ROBO1: variants seen among roughly 807,000 people sequenced by gnomAD.
The protein encoded by ROBO1 is roundabout guidance receptor 1.
A neutral mutation model predicts 195.9 loss-of-function variants in ROBO1; 149 were observed. That is an observed-to-expected ratio of 0.76 (90% confidence interval 0.67 to 0.87). The LOEUF (loss-of-function observed/expected upper bound fraction) is 0.87. ROBO1 is among the 40% of genes least tolerant of loss of function. The pLI is 0.00. For synonymous variants in ROBO1, 816 were observed against 733.2 expected (o/e 1.11, Z -1.82); for missense variants, 1,933 against 2,068.3 (o/e 0.93, Z 1.27).
intron 3 of ROBO1, among the ~76,000 whole-genome samples, chr3:79,071,082 A>G (rs2079079990): frequency 6.6e-6 from 1 of 151,750 alleles, no homozygotes. Flanking sequence ...AGAATATTTA[A>G]CATCTACTCT....
chr3:78,730,437 G>A (rs1337373869), intron 5 of ROBO1, among the ~76,000 whole-genome samples: 2 of 121,644 alleles, frequency 1.6e-5, no homozygotes, highest in Non-Finnish European at 4.0e-5. Context: ...TTACTTTACA[G>A]AAATGCATTT....
intron 5 of ROBO1, among the ~76,000 whole-genome samples, chr3:78,729,010 T>A (rs747778999): frequency 1.3e-4 from 20 of 152,202 alleles, no homozygotes; most frequent in Non-Finnish European, 2.5e-4. Flanking sequence ...AAAGCAATTA[T>A]CCCAGTGGGA....
At chr3:78,628,110 T>G (rs942325211) in intron 25 of ROBO1, among the ~76,000 whole-genome samples, 4 of 152,094 alleles carry the variant, frequency 2.6e-5, no homozygotes, top group Admixed American at 2.6e-4. Context: ...CTCATCACCA[T>G]GCCCAGTTAA....
chr3:78,723,603 G>A (rs2082093832), intron 5 of ROBO1, among the ~76,000 whole-genome samples: 1 of 152,020 alleles, frequency 6.6e-6, no homozygotes, highest in Admixed American at 6.6e-5. Flanking sequence ...CCTCTCCCCG[G>A]AGATATCTGG....
In ROBO1 at chr3:79,014,975, T is replaced by C. The variant is rs187852398; in HGVS notation, c.173-76048A>G. Among the ~76,000 whole-genome samples, 360 of 152,240 alleles carry C rather than the reference T, an allele frequency of 2.4e-3. 3 individuals carry two copies. The highest frequency in any genetic ancestry group is 8.0e-3 in the African/African-American group (333 of 41,562). ...TTTTAAATTAGAAATATCTAGTCAA[T>C]GTAAAAACGAAAAATAAATGGTCAT... On this transcript the variant is annotated intron_variant, in intron 3 of 30. Coordinates refer to ENST00000464233, the MANE Select transcript of ROBO1 (RefSeq NM_002941.4).
chr3:79,350,531 C>T (rs572212186), intron 2 of ROBO1, among the ~76,000 whole-genome samples: 1 of 152,238 alleles, frequency 6.6e-6, no homozygotes, highest in South Asian at 2.1e-4. Context: ...AAGGTAGAAA[C>T]TACAATCCAA....
chr3:78,600,265 T>G lies in ROBO1; in HGVS notation c.4789A>C (p.Asn1597His). Residue 1597 changes from asparagine (N) to histidine (H), a missense_variant, in exon 30 of 31, where the codon AAT (asparagine) becomes CAT (histidine). Coordinates refer to ENST00000464233, the MANE Select transcript of ROBO1 (RefSeq NM_002941.4). ...YCRPTFPTSN[N>H]PRDPSSSSSM... ...CTTGAGGAACTGGGATCTCTGGGAT[T>G]ATTTGATGTTGGAAAAGTAGGTCTA... is the stretch of plus-strand genomic sequence containing the variant. 1 of 1,613,272 alleles carries G rather than the reference T, an allele frequency of 6.2e-7. No individual in the cohort carries two copies. Among genetic ancestry groups the G allele is most frequent in the Non-Finnish European group, 8.5e-7 (1 of 1,179,310 alleles).
chr3:79,062,246 A>T (rs1199305887), intron 3 of ROBO1, among the ~76,000 whole-genome samples: 1 of 152,180 alleles, frequency 6.6e-6, no homozygotes, highest in Non-Finnish European at 1.5e-5. Flanking sequence ...CATATGAAAA[A>T]ATGCTCATCA....
intron 5 of ROBO1, among the ~76,000 whole-genome samples, chr3:78,725,052 T>G (rs2082130815): frequency 6.6e-6 from 1 of 152,150 alleles, no homozygotes. Context: ...AAGCAGAACA[T>G]GTTAAACTTT....
chr3:78,720,959 G>C (rs548972029), intron 5 of ROBO1, among the ~76,000 whole-genome samples: 44 of 151,184 alleles, frequency 2.9e-4, no homozygotes, highest in Non-Finnish European at 4.9e-4. Context: ...TTGGGGGGGG[G>C]GCGGTGGAGG....
intron 2 of ROBO1, among the ~76,000 whole-genome samples, chr3:79,381,113 C>T (rs564813723): frequency 1.3e-5 from 2 of 152,074 alleles, no homozygotes; most frequent in African/African-American, 4.8e-5. Context: ...AATCCCAGCA[C>T]GTTGGGAGGC....
rs186384344 is a variant in ROBO1 at position 79,096,076 on chromosome 3, T to C, written c.172+29380A>G. Among the ~76,000 whole-genome samples, 14 of 152,178 alleles carry C rather than the reference T, an allele frequency of 9.2e-5. No individual in the cohort carries two copies. In the East Asian group the frequency reaches 2.7e-3, roughly 30 times the overall value. The stretch of plus-strand genomic sequence containing the variant: ...ACACACTTGGATAATGCATCTGTAG[T>C]ATGAATCCTTAAAAGAAGGAATTTT... On this transcript the variant is annotated intron_variant, in intron 3 of 30. Transcript: ENST00000464233.
Position 79,637,804 on chromosome 3 carries a change from ATTC to A in ROBO1, c.-50-47846_-50-47844del, listed in dbSNP as rs1405127917. 2.8e-4 allele frequency among the ~76,000 whole-genome samples: 43 copies of A among 152,274 alleles called. No individual in the cohort carries two copies. The East Asian group carries it at 5.4e-3, about 19-fold the overall frequency. ...GAGCTGTCTTTGAGTTATACTAGTA[ATTC>A]TACATAAGAGTCAATAAAAAGCAGT... On this transcript the variant is annotated intron_variant, in intron 1 of 30. Transcript: ENST00000464233.
intron 1 of ROBO1, among the ~76,000 whole-genome samples, chr3:79,762,136 T>G (rs1704732284): frequency 2.0e-5 from 3 of 152,172 alleles, no homozygotes; most frequent in African/African-American, 7.2e-5. Context: ...ATAGAAATGC[T>G]TTTCTCATAG....
At chr3:79,186,190 T>A (rs1443633530) in intron 2 of ROBO1, among the ~76,000 whole-genome samples, 25 of 152,130 alleles carry the variant, frequency 1.6e-4, no homozygotes, top group Admixed American at 1.6e-3. Context: ...AAGTTAACTT[T>A]ATTTGCTCTT....
In ROBO1 at chr3:79,571,340, T is replaced by G. The variant is rs565234658; in HGVS notation, c.88+18484A>C. ...TGAGCTCAAATCTTACACTAAGTTA[T>G]ATGAGACTTGCTCCTCTACAAATAT... On this transcript the variant is annotated intron_variant, in intron 2 of 30. Transcript: ENST00000464233. Among the ~76,000 whole-genome samples the G allele has an allele frequency of 2.0e-5, 3 of 152,226 alleles. No homozygotes were observed. The East Asian group carries it at 5.8e-4, about 29-fold the overall frequency.
chr3:78,723,204 T>C (rs897161343), intron 5 of ROBO1, among the ~76,000 whole-genome samples: 2 of 152,136 alleles, frequency 1.3e-5, no homozygotes, highest in Non-Finnish European at 2.9e-5. Flanking sequence ...TACATTTAGA[T>C]AGATTTAGAT....
At chr3:79,509,193 T>C (rs1940565803) in intron 2 of ROBO1, among the ~76,000 whole-genome samples, 1 of 152,128 alleles carries the variant, frequency 6.6e-6, no homozygotes, top group Non-Finnish European at 1.5e-5. Flanking sequence ...ACTTGTCTTT[T>C]TCCTGTGAAA....
chr3:79,592,157 C>T (rs987061806), intron 1 of ROBO1, among the ~76,000 whole-genome samples: 1 of 151,802 alleles, frequency 6.6e-6, no homozygotes, highest in Non-Finnish European at 1.5e-5. Context: ...CCATATATAG[C>T]TTATTTGTAG....
Sources: gnomAD v4.1 joint callset for allele counts (sites outside exome capture counted in the v4.1 genomes callset) on GRCh38, gnomAD v4.1.1 for gene constraint, MANE v1.5 for transcripts, NCBI Gene and HGNC (gene_info 2026-07-23, HGNC 2026-07-21) for gene names.